Variants in DAB1 observed in about 807,000 individuals in gnomAD.
DAB1 encodes the protein disabled homolog 1.
A neutral mutation model predicts 64.6 loss-of-function variants in DAB1; 15 were observed. The observed-to-expected ratio is 0.23, with a 90% CI of 0.16 to 0.36. The LOEUF is 0.36. Ranked by LOEUF, DAB1 falls within the 10% of genes least tolerant of loss-of-function variation. DAB1 has a pLI of 1.00. For missense variants in DAB1, 596 were observed against 706.7 expected (o/e 0.84, Z 1.78); for synonymous variants, 235 against 251.9 (o/e 0.93, Z 0.64).
chr1:58,199,490 T>G (rs1351355684), intron 4 of DAB1, among the ~76,000 whole-genome samples: 4 of 152,290 alleles, frequency 2.6e-5, no homozygotes, highest in Admixed American at 1.3e-4. Context: ...TTTAGTTCCT[T>G]TTTTGTAAAA....
chr1:57,111,437 C>A (rs1489729989), intron 4 of DAB1, among the ~76,000 whole-genome samples: 2 of 152,114 alleles, frequency 1.3e-5, no homozygotes, highest in Non-Finnish European at 2.9e-5. Flanking sequence ...TGGGGCACAC[C>A]CTCCAGCCAG....
intron 7 of DAB1, among the ~76,000 whole-genome samples, chr1:57,533,391 GA>G (rs1311893671): frequency 1.3e-5 from 2 of 150,294 alleles, no homozygotes; most frequent in Non-Finnish European, 2.9e-5. Flanking sequence ...AAAGTTTAAT[GA>G]TTTTTTTTTT....
intron 5 of DAB1, among the ~76,000 whole-genome samples, chr1:58,067,361 T>C (rs886253936): frequency 6.6e-6 from 1 of 152,314 alleles, no homozygotes; most frequent in South Asian, 2.1e-4. Flanking sequence ...TAAAGCACGT[T>C]TGTTCTGAAG....
intron 9 of DAB1, among the ~76,000 whole-genome samples, chr1:57,047,440 C>T (rs559378347): frequency 6.6e-6 from 1 of 152,256 alleles, no homozygotes; most frequent in African/African-American, 2.4e-5. Flanking sequence ...GTGGTATCCT[C>T]ATGATACAAT....
intron 3 of DAB1, among the ~76,000 whole-genome samples, chr1:58,436,180 G>A (rs1644942303): frequency 5.3e-5 from 8 of 152,094 alleles, no homozygotes; most frequent in Admixed American, 5.2e-4. Context: ...TGTGTAGAAG[G>A]AGGCTAGTAA....
intron 6 of DAB1, among the ~76,000 whole-genome samples, chr1:57,716,981 C>A (rs1647091470): frequency 6.6e-6 from 1 of 152,148 alleles, no homozygotes; most frequent in Admixed American, 6.6e-5. Context: ...TGGCTCATGC[C>A]TGTAATCCCA....
At chr1:57,054,020 G>A (rs1409410508) in intron 9 of DAB1, among the ~76,000 whole-genome samples, 1 of 152,044 alleles carries the variant, frequency 6.6e-6, no homozygotes, top group Non-Finnish European at 1.5e-5. Context: ...AAGAATTTCT[G>A]CTAGAATTCA....
At chr1:57,942,447 T>C (rs1171935505) in intron 5 of DAB1, among the ~76,000 whole-genome samples, 1 of 152,214 alleles carries the variant, frequency 6.6e-6, no homozygotes, top group Non-Finnish European at 1.5e-5. Context: ...GATTTCTAAA[T>C]ATAAGTGTTG....
intron 7 of DAB1, among the ~76,000 whole-genome samples, chr1:57,541,897 A>T (rs558992065): frequency 6.6e-6 from 1 of 152,226 alleles, no homozygotes; most frequent in South Asian, 2.1e-4. Flanking sequence ...AAGGTTGCAC[A>T]GCTCCTAAGG....
intron 5 of DAB1, among the ~76,000 whole-genome samples, chr1:58,074,878 G>A (rs745848891): frequency 1.3e-5 from 2 of 152,042 alleles, no homozygotes; most frequent in Non-Finnish European, 1.5e-5. Flanking sequence ...AATATGCTAC[G>A]TGCCTGTCAT....
chr1:57,122,293 G>A (rs979798699), intron 4 of DAB1, among the ~76,000 whole-genome samples: 4 of 152,176 alleles, frequency 2.6e-5, no homozygotes, highest in African/African-American at 9.7e-5. Context: ...CACATTGGAT[G>A]CTCAGTAAAT....
At chr1:57,768,720 C>A (rs1004252288) in intron 6 of DAB1, among the ~76,000 whole-genome samples, 4 of 151,600 alleles carry the variant, frequency 2.6e-5, no homozygotes, top group Non-Finnish European at 5.9e-5. Context: ...CTATTTTTTT[C>A]TGTGTACAGC....
rs1003337459 is a variant in DAB1, at chr1:57,233,792, C to T, written c.67+57172G>A. 2.6e-5 allele frequency among the ~76,000 whole-genome samples: 4 copies of T among 151,898 alleles called. No homozygotes were observed. The East Asian group carries it at 5.9e-4, about 22-fold the overall frequency. On this transcript the variant is annotated intron_variant, in intron 2 of 14. Transcript: ENST00000371236. ...TAAAAATAAAAAAATAAACCTGCTG[C>T]CAGGTGAGTGGTACGGCTTCCTCTG...
chr1:58,118,521 C>CACACACACACACACAT (rs1491324385), intron 5 of DAB1, among the ~76,000 whole-genome samples: 1 of 98,950 alleles, frequency 1.0e-5, no homozygotes, highest in East Asian at 3.0e-4. Flanking sequence ...CACACACACA[C>CACACACACACACACAT]ATATATATAT....
At chr1:57,528,636 GGACACACACACACA>G (rs1298320990) in intron 7 of DAB1, among the ~76,000 whole-genome samples, 109 of 54,674 alleles carry the variant, frequency 2.0e-3, no homozygotes, top group East Asian at 0.019. Flanking sequence ...AAAAGCAGCA[GGACACACACACACA>G]CACACACACA....
chr1:57,410,442 G>A (rs58055453), intron 1 of DAB1, among the ~76,000 whole-genome samples: 15,836 of 152,226 alleles, frequency 0.1, 884 homozygotes, highest in Middle Eastern at 0.16. Context: ...AAGACATAAT[G>A]AAGTATGGTG....
At chr1:57,804,241 A>T (rs1651260687) in intron 6 of DAB1, among the ~76,000 whole-genome samples, 1 of 152,184 alleles carries the variant, frequency 6.6e-6, no homozygotes. Context: ...GCTGGTATGG[A>T]ACTTAACCGT....
intron 1 of DAB1, chr1:57,826,509 G>A (rs1195039959): frequency 6.6e-6 from 1 of 152,296 alleles, no homozygotes; most frequent in African/African-American, 2.4e-5. Flanking sequence ...AGCAGCAGCA[G>A]GTATGCAGAG....
intron 3 of DAB1, among the ~76,000 whole-genome samples, chr1:58,422,916 A>T (rs1644786285): frequency 6.6e-6 from 1 of 152,204 alleles, no homozygotes. Context: ...AGCAAATCTG[A>T]TTGGCCAAAC....
Sources: gnomAD v4.1 joint callset for allele counts (sites outside exome capture counted in the v4.1 genomes callset) on GRCh38, gnomAD v4.1.1 for gene constraint, MANE v1.5 for transcripts, NCBI Gene and HGNC (gene_info 2026-07-23, HGNC 2026-07-21) for gene names.